The following IGSF11 variants were observed in gnomAD, a reference collection of about 807,000 sequenced individuals.
The protein encoded by IGSF11 is immunoglobulin superfamily member 11, also known as CXADR like 1.
IGSF11 carries 22 observed loss-of-function variants against 41.0 expected under a neutral mutation model. The ratio of observed to expected loss-of-function variants is 0.54; its 90% CI spans 0.38 to 0.77. The LOEUF (loss-of-function observed/expected upper bound fraction) is 0.77. IGSF11 is among the 30% of genes least tolerant of loss of function. The pLI is 0.00. For synonymous variants in IGSF11, 219 were observed against 201.3 expected (o/e 1.09, Z -0.74); for missense variants, 444 against 530.8 (o/e 0.84, Z 1.61).
intron 1 of IGSF11, among the ~76,000 whole-genome samples, chr3:119,017,623 T>C (rs531921721): frequency 6.6e-6 from 1 of 152,292 alleles, no homozygotes; most frequent in East Asian, 1.9e-4. Flanking sequence ...ATTTTTCTTG[T>C]TTATAAAATG....
At chr3:119,044,301 A>G (rs539577677) in intron 1 of IGSF11, among the ~76,000 whole-genome samples, 6 of 152,276 alleles carry the variant, frequency 3.9e-5, no homozygotes, top group Non-Finnish European at 7.4e-5. Context: ...GAACAAGTAG[A>G]AGAAAGAACT....
intron 1 of IGSF11, among the ~76,000 whole-genome samples, chr3:118,995,286 G>A (rs907145030): frequency 1.3e-5 from 2 of 152,108 alleles, no homozygotes; most frequent in African/African-American, 4.8e-5. Flanking sequence ...ATAGTAACCC[G>A]AGACGAAAGA....
chr3:118,910,902 A>T (rs544646699), intron 4 of IGSF11, among the ~76,000 whole-genome samples: 2 of 152,148 alleles, frequency 1.3e-5, no homozygotes, highest in South Asian at 4.1e-4. Context: ...TTCTTCCTGG[A>T]CTCTTCAGGA....
intron 1 of IGSF11, among the ~76,000 whole-genome samples, chr3:119,080,071 A>G (rs1302140813): frequency 1.3e-5 from 2 of 152,220 alleles, no homozygotes; most frequent in African/African-American, 2.4e-5. Flanking sequence ...GGGTTAGGTT[A>G]AATTGCAGCC....
At chr3:119,003,370 TG>T (rs1217732230) in intron 1 of IGSF11, among the ~76,000 whole-genome samples, 5 of 149,406 alleles carry the variant, frequency 3.3e-5, no homozygotes, top group African/African-American at 1.3e-4. Flanking sequence ...AAGGAGATTT[TG>T]GGCTGAGACG....
upstream of IGSF11, among the ~76,000 whole-genome samples, chr3:119,036,778 T>TA (rs1213518933): frequency 6.6e-6 from 1 of 152,052 alleles, no homozygotes; most frequent in Non-Finnish European, 1.5e-5. Context: ...AATAAGCAGA[T>TA]AGAGTTCTGC....
At chr3:119,130,520 A>G (rs2077467534) in intron 1 of IGSF11, among the ~76,000 whole-genome samples, 1 of 152,198 alleles carries the variant, frequency 6.6e-6, no homozygotes, top group Non-Finnish European at 1.5e-5. Flanking sequence ...CATCCACATT[A>G]CTGAGGCTTG....
chr3:118,962,446 T>G (rs1945398195), intron 1 of IGSF11, among the ~76,000 whole-genome samples: 3 of 152,186 alleles, frequency 2.0e-5, no homozygotes, highest in Admixed American at 1.3e-4. Flanking sequence ...ATAGGAAAGG[T>G]GAGTCTTAAA....
intron 4 of IGSF11, among the ~76,000 whole-genome samples, chr3:118,914,380 C>T (rs1172960181): frequency 2.6e-5 from 4 of 151,368 alleles, no homozygotes; most frequent in East Asian, 2.0e-4. Context: ...AGACAGTGGG[C>T]GCAGGCCAGT....
chr3:119,050,320 C>G (rs1162433914), intron 1 of IGSF11, among the ~76,000 whole-genome samples: 3 of 152,162 alleles, frequency 2.0e-5, no homozygotes, highest in Non-Finnish European at 4.4e-5. Flanking sequence ...ACAACCCCAT[C>G]AAAAAGTGGG....
Position 118,902,847 on chromosome 3 carries a change from G to T in IGSF11, c.969C>A (p.Ser323Arg). Residue 323 changes from serine to arginine, a missense_variant, in exon 7 of 7, where the codon AGC becomes AGA. Physicochemically the swap from Ser to Arg is moderately radical, Grantham distance 110. Coordinates refer to ENST00000393775, the MANE Select transcript of IGSF11 (RefSeq NM_001015887.3). Reference protein sequence around the residue: ...SSNAYNSRYWSNNPKVHRNTE... With the variant: ...SSNAYNSRYWRNNPKVHRNTE... ...TGTTTCTATGAACTTTTGGATTGTT[G>T]CTCCAGTATCGACTGTTGTAGGCAT... The T allele has an allele frequency of 6.2e-7, 1 of 1,614,132 alleles. No individual in the cohort carries two copies. The highest frequency in any genetic ancestry group is 8.5e-7 in the Non-Finnish European group (1 of 1,179,980).
intron 1 of IGSF11, among the ~76,000 whole-genome samples, chr3:119,140,963 G>A (rs2077639073): frequency 6.7e-6 from 1 of 148,408 alleles, no homozygotes; most frequent in Non-Finnish European, 1.5e-5. Flanking sequence ...AAAATTGCTT[G>A]ACCCAGGAGG....
At chr3:118,978,613 C>T (rs1171002236) in intron 1 of IGSF11, among the ~76,000 whole-genome samples, 1 of 152,234 alleles carries the variant, frequency 6.6e-6, no homozygotes, top group African/African-American at 2.4e-5. Context: ...AGCACAACTT[C>T]ACCACAGCCT....
At chr3:118,908,679 T>C (rs1385898954) in intron 4 of IGSF11, among the ~76,000 whole-genome samples, 1 of 152,234 alleles carries the variant, frequency 6.6e-6, no homozygotes, top group Non-Finnish European at 1.5e-5. Context: ...TCCACTGTTT[T>C]AGTTCATAGC....
At chr3:119,108,865 G>T (rs2077086497), upstream of IGSF11, among the ~76,000 whole-genome samples, 1 of 142,060 alleles carries the variant, frequency 7.0e-6, no homozygotes, top group Non-Finnish European at 1.6e-5. Context: ...TTTTGTCTTT[G>T]GTTCTGTTTA....
At position 118,999,816 on chromosome 3, in the gene IGSF11, T is replaced by A. The variant is rs950301214; in HGVS notation, c.52+34715A>T. 3.3e-5 allele frequency among the ~76,000 whole-genome samples: 5 copies of A among 152,224 alleles called. 1 individual carries two copies. The highest frequency in any genetic ancestry group is 1.9e-4 in the East Asian group (1 of 5,186). ...GACAGAATGCTTTTTAAAAAATAAT[T>A]CATAGAGCATTCTTCAGAAATAAGG... is the stretch of plus-strand genomic sequence containing the variant. On this transcript the variant is annotated intron_variant, in intron 1 of 6. Transcript: ENST00000393775.
At chr3:119,032,774 T>C (rs1205060518) in intron 1 of IGSF11, among the ~76,000 whole-genome samples, 1 of 152,234 alleles carries the variant, frequency 6.6e-6, no homozygotes, top group Non-Finnish European at 1.5e-5. Context: ...ATACATTCCC[T>C]GTACCATAAA....
rs1939336358 is a variant in IGSF11 at position 118,904,514 on chromosome 3, A to G, written c.854+134T>C. ...ACCATGAAGAAAAGTGATATACAAG[A>G]AAATACCATTTAGCCACTTTAATAG... On this transcript the variant is annotated intron_variant, in intron 6 of 6. Transcript: ENST00000393775. 8.7e-6 allele frequency: 6 copies of G among 689,118 alleles called. No homozygotes were observed. The East Asian group carries it at 1.6e-4, about 18-fold the overall frequency. 42.7% of individuals were successfully genotyped at this position (689,118 alleles called of 1,614,324 possible).
chr3:119,056,155 A>C (rs1386779277), intron 1 of IGSF11, among the ~76,000 whole-genome samples: 2 of 152,142 alleles, frequency 1.3e-5, no homozygotes, highest in Admixed American at 1.3e-4. Flanking sequence ...GACAAAAAAA[A>C]CCCTTCAAAA....
Sources: gnomAD v4.1 joint callset for allele counts (sites outside exome capture counted in the v4.1 genomes callset) on GRCh38, gnomAD v4.1.1 for gene constraint, MANE v1.5 for transcripts, NCBI Gene and HGNC (gene_info 2026-07-23, HGNC 2026-07-21) for gene names.